The following TSNARE1 variants were observed in gnomAD, a reference collection of about 807,000 sequenced individuals.
The protein encoded by TSNARE1 is t-SNARE domain containing 1.
Under a neutral mutation model 62.0 loss-of-function variants are expected in TSNARE1, and 49 were observed. The observed-to-expected ratio is 0.79, with a 90% CI of 0.63 to 1.00. The LOEUF (loss-of-function observed/expected upper bound fraction) is 1.00. Ranked by LOEUF, TSNARE1 falls within the 50% of genes least tolerant of loss-of-function variation. TSNARE1 has a pLI of 0.00. For missense variants in TSNARE1, 755 were observed against 700.1 expected, an observed-to-expected ratio of 1.08 and a Z score of -0.88; for synonymous variants, 328 against 294.4, an observed-to-expected ratio of 1.11 and a Z score of -1.17.
chr8:142,212,308 C>G lies in TSNARE1; in HGVS notation c.*17G>C, dbSNP rs1312589716. On this transcript the variant is annotated 3_prime_UTR_variant, in exon 14 of 14. Coordinates refer to ENST00000524325, the MANE Select transcript of TSNARE1 (RefSeq NM_145003.5). ...CCACAGCCAGCTGACGGTTCAGCGG[C>G]CGATGCTGCAGATGAGAAAGTGGAG... 6.6e-6 allele frequency: 1 copy of G among 152,258 alleles called. No individual in the cohort carries two copies. Among genetic ancestry groups the G allele is most frequent in the Non-Finnish European group, 1.5e-5 (1 of 68,088 alleles). The allele number at this position is 152,258 out of a possible 1,614,324, so 9.4% of individuals were successfully genotyped here.
At chr8:142,310,684 A>T (rs1827429836) in intron 9 of TSNARE1, among the ~76,000 whole-genome samples, 1 of 152,202 alleles carries the variant, frequency 6.6e-6, no homozygotes, top group Non-Finnish European at 1.5e-5. Context: ...TTCTTCTAAG[A>T]AAGTCAGGTG....
At chr8:142,365,365 G>T (rs980631485) in intron 1 of TSNARE1, among the ~76,000 whole-genome samples, 20 of 152,330 alleles carry the variant, frequency 1.3e-4, no homozygotes, top group African/African-American at 4.3e-4. Context: ...CACAGGATCT[G>T]GGATTTCATG....
chr8:142,214,232 G>A (rs947948287), intron 13 of TSNARE1, among the ~76,000 whole-genome samples: 31 of 152,202 alleles, frequency 2.0e-4, no homozygotes, highest in Non-Finnish European at 4.1e-4. Flanking sequence ...GGCTGCAGCT[G>A]GAGTCAGGGC....
chr8:142,380,418 T>C (rs1374266659), intron 1 of TSNARE1, among the ~76,000 whole-genome samples: 1 of 152,100 alleles, frequency 6.6e-6, no homozygotes. Flanking sequence ...GACAGGCTCA[T>C]GGCATCGTGG....
chr8:142,306,981 A>G (rs1455532507), intron 9 of TSNARE1, among the ~76,000 whole-genome samples: 1 of 152,158 alleles, frequency 6.6e-6, no homozygotes, highest in South Asian at 2.1e-4. Flanking sequence ...CCCCCAACAG[A>G]GGAGAACCCA....
intron 12 of TSNARE1, among the ~76,000 whole-genome samples, chr8:142,233,116 G>C (rs902109142): frequency 6.6e-6 from 1 of 152,188 alleles, no homozygotes; most frequent in East Asian, 1.9e-4. Flanking sequence ...GACCTTTCTG[G>C]CTCCCCAGTG....
At chr8:142,309,739 A>G (rs1366785576) in intron 9 of TSNARE1, among the ~76,000 whole-genome samples, 1 of 152,142 alleles carries the variant, frequency 6.6e-6, no homozygotes, top group African/African-American at 2.4e-5. Flanking sequence ...AGAATCTGGA[A>G]TCAAGGTACT....
intron 12 of TSNARE1, among the ~76,000 whole-genome samples, chr8:142,238,676 C>T (rs910762483): frequency 1.3e-5 from 2 of 151,860 alleles, no homozygotes; most frequent in Non-Finnish European, 2.9e-5. Context: ...CCAGCCCCTC[C>T]CCTGCACACT....
At chr8:142,276,953 G>A (rs936349145) in intron 11 of TSNARE1, 9 of 985,348 alleles carry the variant, frequency 9.1e-6, no homozygotes, top group African/African-American at 5.2e-5. Flanking sequence ...GTCCTGCCCC[G>A]GCGCAGTGCA....
At chr8:142,238,988 G>C (rs1817566563) in intron 12 of TSNARE1, among the ~76,000 whole-genome samples, 2 of 152,258 alleles carry the variant, frequency 1.3e-5, no homozygotes, top group South Asian at 4.1e-4. Flanking sequence ...GTGGTGTCTG[G>C]CTCGTCCCTG....
At chr8:142,244,110 C>T (rs1332353044) in intron 12 of TSNARE1, among the ~76,000 whole-genome samples, 1 of 152,278 alleles carries the variant, frequency 6.6e-6, no homozygotes, top group South Asian at 2.1e-4. Context: ...GGTGTGAACC[C>T]GGGAGGCGGA....
At chr8:142,246,478 C>T (rs551500201) in intron 12 of TSNARE1, among the ~76,000 whole-genome samples, 2 of 152,290 alleles carry the variant, frequency 1.3e-5, no homozygotes, top group East Asian at 3.9e-4. Context: ...GGCATGCCCC[C>T]TCCTCCCCTG....
At chr8:142,315,205 G>A (rs1828329840) in intron 7 of TSNARE1, 113 bp from the exon 8 acceptor site, 5 of 1,064,352 alleles carry the variant, frequency 4.7e-6, no homozygotes, top group Non-Finnish European at 6.9e-6. Flanking sequence ...CTCAGAATGG[G>A]GCTCGCCATC....
At chr8:142,317,485 C>T (rs1563900854) in intron 7 of TSNARE1, among the ~76,000 whole-genome samples, 1 of 152,212 alleles carries the variant, frequency 6.6e-6, no homozygotes, top group African/African-American at 2.4e-5. Flanking sequence ...CAGGTACAGC[C>T]AGAGTCTCAC....
At chr8:142,304,012 C>A (rs982641971) in intron 9 of TSNARE1, among the ~76,000 whole-genome samples, 1 of 152,268 alleles carries the variant, frequency 6.6e-6, no homozygotes, top group South Asian at 2.1e-4. Flanking sequence ...GATGGTGAGG[C>A]TGCCCTAGCC....
chr8:142,282,372 C>T (rs908033177), intron 11 of TSNARE1, among the ~76,000 whole-genome samples: 7 of 152,342 alleles, frequency 4.6e-5, no homozygotes, highest in South Asian at 2.1e-4. Context: ...TGTCAACGAG[C>T]GGAGCAGGGA....
intron 10 of TSNARE1, among the ~76,000 whole-genome samples, chr8:142,286,398 G>A (rs1024603794): frequency 6.6e-6 from 1 of 152,216 alleles, no homozygotes; most frequent in Admixed American, 6.5e-5. Flanking sequence ...GAAGCAATTA[G>A]CATGATCTTA....
chr8:142,229,129 G>A (rs1816973346), intron 13 of TSNARE1, among the ~76,000 whole-genome samples: 1 of 151,228 alleles, frequency 6.6e-6, no homozygotes, highest in Admixed American at 6.6e-5. Flanking sequence ...TAAATGGATG[G>A]TGGGTGGATA....
rs1339742167 is a variant in TSNARE1, at chr8:142,221,765, TCA to T, written c.*11+7706_*11+7707del. ...CTCACTCACTCACTCATTCACTCAC[TCA>T]CTCACTCATTCACTCACTCATCCAC... On this transcript the variant is annotated intron_variant, in intron 13 of 13. Transcript: ENST00000524325. Among the ~76,000 whole-genome samples the T allele has an allele frequency of 4.0e-5, 6 of 149,892 alleles. 1 individual carries two copies. The highest frequency in any genetic ancestry group is 1.2e-4 in the African/African-American group (5 of 40,486).
Sources: gnomAD v4.1 joint callset for allele counts (sites outside exome capture counted in the v4.1 genomes callset) on GRCh38, gnomAD v4.1.1 for gene constraint, MANE v1.5 for transcripts, NCBI Gene and HGNC (gene_info 2026-07-23, HGNC 2026-07-21) for gene names.